Variants in GRIN2C observed in about 807,000 individuals in gnomAD.
GRIN2C encodes glutamate receptor ionotropic, NMDA 2C.
A neutral mutation model predicts 77.7 loss-of-function variants in GRIN2C; 64 were observed. That is an observed-to-expected ratio of 0.82 (90% confidence interval 0.67 to 1.01). The LOEUF (loss-of-function observed/expected upper bound fraction) is 1.01. Ranked by LOEUF, GRIN2C falls within the 50% of genes least tolerant of loss-of-function variation. The pLI is 0.00. For missense variants in GRIN2C, 1,549 were observed against 1,486.0 expected, an observed-to-expected ratio of 1.04 and a Z score of -0.70; for synonymous variants, 792 against 643.4, an observed-to-expected ratio of 1.23 and a Z score of -3.49.
Position 74,846,241 on chromosome 17 carries a change from G to A in GRIN2C, c.2175C>T (p.Ala725=), listed in dbSNP as rs2037452968. ...LTSLKMGKLD[A]FIYDAAVLNY... ...TGAGGACAGCAGCATCATAGATGAAGGCATCCAGCTTCCTGGGGACAGGCT... is the reference window on the plus strand; with the variant it reads ...TGAGGACAGCAGCATCATAGATGAAAGCATCCAGCTTCCTGGGGACAGGCT... The change falls in exon 11 of 13, where the codon GCC becomes GCT. Residue 725 remains alanine (A), a synonymous_variant. Coordinates refer to ENST00000293190, the MANE Select transcript of GRIN2C (RefSeq NM_000835.6). The surrounding 1 kb of genome is among the most constrained non-coding windows in gnomAD (Gnocchi z 4.4). The A allele has an allele frequency of 6.2e-7, 1 of 1,614,078 alleles. No individual in the cohort carries two copies. Among genetic ancestry groups the A allele is most frequent in the East Asian group, 2.2e-5 (1 of 44,882 alleles).
chr17:74,855,071 C>A lies in GRIN2C; in HGVS notation c.22G>T (p.Ala8Ser). Residue 8 changes from alanine to serine, a missense_variant, in exon 2 of 13, where the codon GCC becomes TCC. Around this residue, in one of 3 missense-constraint regions of GRIN2C, gnomAD observed 382 missense variants for 360.0 expected, o/e 1.06. Coordinates refer to ENST00000293190, the MANE Select transcript of GRIN2C (RefSeq NM_000835.6). MGGALGP[A>S]LLLTSLFGAW... ...CCGAAGAGCGAGGTGAGCAACAGGG[C>A]CGGCCCCAGGGCCCCACCCATGTCC... The A allele has an allele frequency of 6.3e-7, 1 of 1,591,678 alleles. No individual in the cohort carries two copies. The highest frequency in any genetic ancestry group is 8.5e-7 in the Non-Finnish European group (1 of 1,175,274).
At chr17:74,852,941 T>G (rs1323279475) in intron 2 of GRIN2C, 3 of 275,324 alleles carry the variant, frequency 1.1e-5, no homozygotes, top group Non-Finnish European at 2.0e-5. Flanking sequence ...GGCATCTGTA[T>G]TCTCACAAGC....
chr17:74,850,697 T>C lies in GRIN2C; in HGVS notation c.1184A>G (p.Gln395Arg), dbSNP rs763785688. The C allele has an allele frequency of 1.9e-6, 3 of 1,613,640 alleles. No homozygotes were observed. The highest frequency in any genetic ancestry group is 2.2e-5 in the East Asian group (1 of 44,886). ...CAGGTGCCGACTGTCCACCACAGGCTGCAGAGAGGCACTGTAGCGAGGCCA... is the reference window on the plus strand; with the variant it reads ...CAGGTGCCGACTGTCCACCACAGGCCGCAGAGAGGCACTGTAGCGAGGCCA... Reference protein sequence around the residue: ...PVWPRYSASLQPVVDSRHLTV... With the variant: ...PVWPRYSASLRPVVDSRHLTV... The change falls in exon 5 of 13, where the codon CAG becomes CGG. Residue 395 changes from glutamine (Q) to arginine (R), a missense_variant. By Grantham distance (43) the Gln-to-Arg change is conservative. Transcript: ENST00000293190. This position sits in a 1 kb window ranked among gnomAD's most constrained non-coding sequence, Gnocchi z 5.3.
Position 74,852,033 on chromosome 17 carries a change from AGGGCTGAC to A in GRIN2C, c.970_977del (p.Val324CysfsTer94). The A allele has an allele frequency of 6.8e-7, 1 of 1,462,958 alleles. No homozygotes were observed. The highest frequency in any genetic ancestry group is 9.0e-7 in the Non-Finnish European group (1 of 1,105,942). 90.6% of individuals were successfully genotyped at this position (1,462,958 alleles called of 1,614,324 possible). A position where few individuals can be genotyped will look rare whatever the true frequency, so the allele number is the denominator to read the frequency against. On this transcript the variant is annotated frameshift_variant, in exon 3 of 13. Transcript: ENST00000293190. LOFTEE classifies it high-confidence loss of function. ...CCCACCTGTAGAAGGCCTCCCGGGC[AGGGCTGAC>A]GGGCCCAGGGTGAACACGGCAGTCC... is the stretch of plus-strand genomic sequence containing the variant.
intron 1 of GRIN2C, among the ~76,000 whole-genome samples, chr17:74,858,535 C>G (rs898699704): frequency 6.6e-6 from 1 of 151,854 alleles, no homozygotes; most frequent in African/African-American, 2.4e-5. Flanking sequence ...TCTAACCCAG[C>G]CACCCTACAG....
In GRIN2C at chr17:74,842,995, C is replaced by CCGGGGGCT; in HGVS notation, c.3141_3142insAGCCCCCG (p.Glu1048SerfsTer166). The CCGGGGGCT allele has an allele frequency of 1.9e-6, 1 of 517,738 alleles. No individual in the cohort carries two copies. Among genetic ancestry groups the CCGGGGGCT allele is most frequent in the Non-Finnish European group, 3.4e-6 (1 of 293,418 alleles). 32.1% of individuals were successfully genotyped at this position (517,738 alleles called of 1,614,324 possible). A position where few individuals can be genotyped will look rare whatever the true frequency, so the allele number is the denominator to read the frequency against. On this transcript the variant is annotated frameshift_variant, in exon 13 of 13. Transcript: ENST00000293190. LOFTEE classifies it low-confidence loss of function (END_TRUNC). Reference sequence around the variant, plus strand: ...CCGAGCAGCGGCAGGTCCTCCAGCTCCGGGAAGAGCGGGAGGAAGGGGCGG... The same window carrying CCGGGGGCT: ...CCGAGCAGCGGCAGGTCCTCCAGCTCCGGGGGCTCGGGAAGAGCGGGAGGAAGGGGCGG...
rs1277166946 is a variant in GRIN2C, at chr17:74,842,399, G to A, written c.*36C>T. The A allele has an allele frequency of 1.3e-6, 1 of 749,008 alleles. No individual in the cohort carries two copies. The highest frequency in any genetic ancestry group is 2.5e-6 in the Non-Finnish European group (1 of 403,890). The allele number at this position is 749,008 out of a possible 1,614,324, so 46.4% of individuals were successfully genotyped here. A position where few individuals can be genotyped will look rare whatever the true frequency, so the allele number is the denominator to read the frequency against. ...CTTAACCCTGACAGTGGCAGGCAGA[G>A]AATCCAGCTGGCTCGGAGCCTGAGT... On this transcript the variant is annotated 3_prime_UTR_variant, in exon 13 of 13. Transcript: ENST00000293190.
chr17:74,844,355 C>T lies in GRIN2C; in HGVS notation c.2504G>A (p.Trp835Ter). The T allele has an allele frequency of 6.2e-7, 1 of 1,614,152 alleles. No individual in the cohort carries two copies. The highest frequency in any genetic ancestry group is 8.5e-7 in the Non-Finnish European group (1 of 1,180,028). The part of the protein sequence containing the change: ...AMGLALLVFA[W>*]EHLVYWKLRH... The stretch of plus-strand genomic sequence containing the variant: ...CAGCTTCCAGTAGACCAGGTGCTCC[C>T]AGGCGAAGACCAGCAGGGCCAGCCC... The change falls in exon 12 of 13, where the codon TGG becomes TAG. Residue 835 changes from tryptophan (W) to a stop codon, truncating the protein, a stop_gained. Transcript: ENST00000293190. LOFTEE classifies it high-confidence loss of function.
Position 74,850,768 on chromosome 17 carries a change from C to G in GRIN2C, c.1114-1G>C. ...GGACGCCATGCTCCCAGCGCCCCACCTGTGGAGGGTGACAGCCTCAGCCTG... is the reference window on the plus strand; with the variant it reads ...GGACGCCATGCTCCCAGCGCCCCACGTGTGGAGGGTGACAGCCTCAGCCTG... On this transcript the variant is annotated splice_acceptor_variant, in intron 4 of 12. Transcript: ENST00000293190. LOFTEE classifies it high-confidence loss of function. This position sits in a 1 kb window ranked among gnomAD's most constrained non-coding sequence, Gnocchi z 5.3. 6.2e-7 allele frequency: 1 copy of G among 1,609,512 alleles called. No individual in the cohort carries two copies. Among genetic ancestry groups the G allele is most frequent in the Non-Finnish European group, 8.5e-7 (1 of 1,178,118 alleles).
Sources: gnomAD v4.1 joint callset for allele counts (sites outside exome capture counted in the v4.1 genomes callset) on GRCh38, gnomAD v4.1.1 for gene constraint, gnomAD v4.1.1 regional missense constraint, Gnocchi (gnomAD v3.1) non-coding constraint, MANE v1.5 for transcripts, NCBI Gene and HGNC (gene_info 2026-07-23, HGNC 2026-07-21) for gene names.